Variants in FAT2 observed in about 807,000 individuals in gnomAD.
FAT2 encodes FAT atypical cadherin 2.
A neutral mutation model predicts 295.3 loss-of-function variants in FAT2; 150 were observed. The observed-to-expected ratio is 0.51, with a 90% CI of 0.44 to 0.58. The LOEUF is 0.58. Ranked by LOEUF, FAT2 falls within the 20% of genes least tolerant of loss-of-function variation. FAT2 has a pLI of 0.00. For synonymous variants in FAT2, 2,026 were observed against 2,150.3 expected (o/e 0.94, Z 1.60); for missense variants, 4,868 against 5,442.7 (o/e 0.89, Z 3.32).
chr5:151,546,327 T>C lies in FAT2; in HGVS notation c.4800A>G (p.Glu1600=). 6.2e-7 allele frequency: 1 copy of C among 1,611,294 alleles called. No individual in the cohort carries two copies. The highest frequency in any genetic ancestry group is 1.7e-5 in the Admixed American group (1 of 59,882). The change falls in exon 10 of 24, where the codon GAA becomes GAG. Residue 1600 remains glutamate, a synonymous_variant. Transcript: ENST00000261800. ...GCAGGGCATTGATGTTGAAGAAACC[T>C]TCGCTGTTCCCTGAAACAGAAGACA... is the stretch of plus-strand genomic sequence containing the variant. The part of the protein sequence containing the change: ...VHYSLLKGNS[E]GFFNINALLG...
chr5:151,537,954 T>C lies in FAT2; in HGVS notation c.9040-8A>G, dbSNP rs1755637041. ...CTTGCCAGTATAGAGAAGCTAGAGATGGAAAGACAAAGAAGAGGGAGACTG... is the reference window on the plus strand; with the variant it reads ...CTTGCCAGTATAGAGAAGCTAGAGACGGAAAGACAAAGAAGAGGGAGACTG... On this transcript the variant is annotated splice_region_variant and splice_polypyrimidine_tract_variant and intron_variant, in intron 11 of 23. Coordinates refer to ENST00000261800, the MANE Select transcript of FAT2 (RefSeq NM_001447.3). The C allele has an allele frequency of 1.2e-6, 2 of 1,612,634 alleles. No individual in the cohort carries two copies. The highest frequency in any genetic ancestry group is 1.3e-5 in the African/African-American group (1 of 74,870).
chr5:151,550,034 A>C (rs1250197262), intron 8 of FAT2, among the ~76,000 whole-genome samples: 1 of 152,192 alleles, frequency 6.6e-6, no homozygotes, highest in African/African-American at 2.4e-5. Context: ...ACAGTGAGGA[A>C]GTCTGTCTTT....
Position 151,567,956 on chromosome 5 carries a change from G to A in FAT2, c.976C>T (p.Leu326Phe), listed in dbSNP as rs2127649060. ...SVKDINWMEY[L>F]HGFNLSLQAR... ...TGGAGGCTGAGGTTGAACCCATGAA[G>A]GTACTCCATCCAGTTGATGTCTTTG... The change falls in exon 2 of 24, where the codon CTT becomes TTT. Residue 326 changes from leucine (L) to phenylalanine (F), a missense_variant. By Grantham distance (22) the Leu-to-Phe change is conservative. Around this residue, in one of 5 missense-constraint regions of FAT2, gnomAD observed 3,297 missense variants for 3,669.4 expected, o/e 0.90. Coordinates refer to ENST00000261800, the MANE Select transcript of FAT2 (RefSeq NM_001447.3). 1 of 1,614,186 alleles carries A rather than the reference G, an allele frequency of 6.2e-7. No homozygotes were observed. The highest frequency in any genetic ancestry group is 8.5e-7 in the Non-Finnish European group (1 of 1,180,034).
chr5:151,521,124 G>T, intron 19 of FAT2, 152 bp downstream of exon 19: 2 of 707,642 alleles, frequency 2.8e-6, no homozygotes, highest in South Asian at 2.2e-5. Flanking sequence ...ATTTTGTGAG[G>T]CCACTAGCCG....
chr5:151,547,303 A>G (rs1024304986), intron 9 of FAT2, among the ~76,000 whole-genome samples: 2 of 152,332 alleles, frequency 1.3e-5, no homozygotes, highest in South Asian at 2.1e-4. Context: ...GAAGACTAAA[A>G]GACATTCTAG....
In FAT2 at chr5:151,553,785, G is replaced by C. The variant is rs149143112; in HGVS notation, c.3946-398C>G. On this transcript the variant is annotated intron_variant, in intron 5 of 23. Transcript: ENST00000261800. ...TCAGGCCTTGTTCTAAGAGCTTTGT[G>C]CGCAATATCTGATTTAATCCTCACA... Among the ~76,000 whole-genome samples the C allele has an allele frequency of 6.6e-4, 101 of 152,284 alleles. 2 individuals are homozygous for C. Among genetic ancestry groups the C allele is most frequent in the African/African-American group, 2.3e-3 (95 of 41,540 alleles).
At chr5:151,551,704 T>C in intron 6 of FAT2, 98 bp from the exon 7 acceptor site, 1 of 1,292,846 alleles carries the variant, frequency 7.7e-7, no homozygotes, top group Non-Finnish European at 1.1e-6. Flanking sequence ...GACACGGTGG[T>C]AAATTCCACA....
chr5:151,529,120 A>G (rs1172790566), intron 15 of FAT2, 58 bp downstream of exon 15: 1 of 1,429,498 alleles, frequency 7.0e-7, no homozygotes, highest in East Asian at 2.3e-5. Context: ...TGTGGGGGTG[A>G]GATAAGAACC....
Position 151,568,231 on chromosome 5 carries a change from T to C in FAT2, c.701A>G (p.Asn234Ser), listed in dbSNP as rs765497357. The C allele has an allele frequency of 5.6e-6, 9 of 1,613,900 alleles. No individual in the cohort carries two copies. Among genetic ancestry groups the C allele is most frequent in the Non-Finnish European group, 7.6e-6 (9 of 1,179,946 alleles). The change falls in exon 2 of 24, where the codon AAT (asparagine) becomes AGT (serine). Residue 234 changes from asparagine to serine, a missense_variant. Physicochemically the swap from Asn to Ser is conservative, Grantham distance 46 (BLOSUM62 1). Around this residue, in one of 5 missense-constraint regions of FAT2, gnomAD observed 3,297 missense variants for 3,669.4 expected, o/e 0.90. Coordinates refer to ENST00000261800, the MANE Select transcript of FAT2 (RefSeq NM_001447.3). ...AAGTGCAGCCAGGCTGCCAAACCCA[T>C]TGCCCTCAGAGATTTTCCGCATGCG... The part of the protein sequence containing the change: ...VDRMRKISEG[N>S]GFGSLAALVV...
At chr5:151,529,861 G>T (rs540150995) in intron 14 of FAT2, among the ~76,000 whole-genome samples, 19 of 152,150 alleles carry the variant, frequency 1.2e-4, no homozygotes, top group Non-Finnish European at 2.4e-4. Context: ...AATTGTTAGG[G>T]CATAGGTTAT....
chr5:151,517,983 A>T (rs778945658), intron 19 of FAT2, among the ~76,000 whole-genome samples: 1 of 152,052 alleles, frequency 6.6e-6, no homozygotes, highest in Non-Finnish European at 1.5e-5. Context: ...GACTGCAGGG[A>T]CCCCTGCCTT....
intron 1 of FAT2, among the ~76,000 whole-genome samples, chr5:151,590,619 A>G (rs754968534): frequency 6.6e-6 from 1 of 152,072 alleles, no homozygotes; most frequent in South Asian, 2.1e-4. Context: ...TGAGGTCCTA[A>G]TCTCAGCAGC....
rs559271363 is a variant in FAT2, at chr5:151,551,524, C to T, written c.4239G>A (p.Arg1413=). ...CCTCAACAGTCAAGTTATAGTTCGA[C>T]CTTCTCCTGGTATCAAGAGGCCTGG... The part of the protein sequence containing the change: ...VIARPLDTRR[R]SNYNLTVEVT... The change falls in exon 7 of 24, where the codon AGG becomes AGA. Residue 1413 remains arginine (R), a synonymous_variant. Coordinates refer to ENST00000261800, the MANE Select transcript of FAT2 (RefSeq NM_001447.3). The T allele has an allele frequency of 1.5e-5, 25 of 1,614,100 alleles. No homozygotes were observed. The highest frequency in any genetic ancestry group is 1.9e-5 in the Non-Finnish European group (23 of 1,180,056).
At chr5:151,528,841 T>C (rs535847464) in intron 15 of FAT2, among the ~76,000 whole-genome samples, 1 of 152,330 alleles carries the variant, frequency 6.6e-6, no homozygotes, top group East Asian at 1.9e-4. Context: ...TCACCCGCTA[T>C]GACCAGGCCC....
chr5:151,542,413 C>A lies in FAT2; in HGVS notation c.8714G>T (p.Arg2905Leu). 6.2e-7 allele frequency: 1 copy of A among 1,614,148 alleles called. No individual in the cohort carries two copies. Residue 2905 changes from arginine (R) to leucine (L), a missense_variant, in exon 10 of 24, where the codon CGA (arginine) becomes CTA (leucine). Physicochemically the swap from Arg to Leu is moderately radical, Grantham distance 102. Transcript: ENST00000261800. ...TCCTCTGTACTCTTCAGAAGCAAAT[C>A]GGGGAGCATTGTCATTCTCATCTGT... is the stretch of plus-strand genomic sequence containing the variant. ...SITDENDNAPRFASEEYRGSV... is the reference protein window; with the variant it reads ...SITDENDNAPLFASEEYRGSV...
At chr5:151,527,141 G>A in intron 17 of FAT2, 93 bp downstream of exon 17, 1 of 1,287,588 alleles carries the variant, frequency 7.8e-7, no homozygotes, top group Non-Finnish European at 1.1e-6. Context: ...CACAGTCATT[G>A]TTCATGTGGA....
chr5:151,568,197 A>G lies in FAT2; in HGVS notation c.735T>C (p.His245=), dbSNP rs778411349. The G allele has an allele frequency of 6.2e-7, 1 of 1,613,900 alleles. No individual in the cohort carries two copies. The highest frequency in any genetic ancestry group is 2.2e-5 in the East Asian group (1 of 44,886). Reference sequence around the variant, plus strand: ...GGGGCTTCCTGAGGGCAGGCTCCACATGAACCACAAGTGCAGCCAGGCTGC... The same window carrying G: ...GGGGCTTCCTGAGGGCAGGCTCCACGTGAACCACAAGTGCAGCCAGGCTGC... ...GFGSLAALVV[H]VEPALRKPPA... The change falls in exon 2 of 24, where the codon CAT becomes CAC. Residue 245 remains histidine (H), a synonymous_variant. Coordinates refer to ENST00000261800, the MANE Select transcript of FAT2 (RefSeq NM_001447.3).
rs750181909 is a variant in FAT2, at chr5:151,506,033, G to C, written c.12582C>G (p.Pro4194=). The C allele has an allele frequency of 1.3e-6, 2 of 1,568,894 alleles. No individual in the cohort carries two copies. The highest frequency in any genetic ancestry group is 1.7e-6 in the Non-Finnish European group (2 of 1,162,380). ...TYSRNERWEY[P]HSEVTQGPLP... ...GAGGGCCCTGAGTCACTTCGGAGTG[G>C]GGGTATTCCCAGCGTTCGTTCCTGG... Residue 4194 remains proline (P), a synonymous_variant, in exon 24 of 24, where the codon CCC becomes CCG. Transcript: ENST00000261800.
intron 1 of FAT2, among the ~76,000 whole-genome samples, chr5:151,569,397 C>G (rs1758435723): frequency 6.6e-6 from 1 of 152,188 alleles, no homozygotes; most frequent in African/African-American, 2.4e-5. Flanking sequence ...GACTTATTCA[C>G]TATCACGAGA....
Sources: allele counts gnomAD v4.1 joint callset (sites outside exome capture counted in the v4.1 genomes callset), GRCh38; gene constraint gnomAD v4.1.1; regional missense constraint gnomAD v4.1.1; transcripts MANE v1.5; gene names NCBI Gene and HGNC (gene_info 2026-07-23, HGNC 2026-07-21).